The following ITIH3 variants were observed in gnomAD, a reference collection of about 807,000 sequenced individuals.
The protein encoded by ITIH3 is inter-alpha-trypsin inhibitor heavy chain 3.
In ITIH3, 81 loss-of-function variants were observed where a neutral mutation model predicts 96.5. The ratio of observed to expected loss-of-function variants is 0.84; its 90% confidence interval spans 0.70 to 1.01. ITIH3 has a LOEUF of 1.01. Ranked by LOEUF, ITIH3 falls within the 50% of genes least tolerant of loss-of-function variation. The pLI is 0.00. For synonymous variants in ITIH3, 422 were observed against 445.2 expected, an observed-to-expected ratio of 0.95 and a Z score of 0.66; for missense variants, 1,057 against 1,139.3, an observed-to-expected ratio of 0.93 and a Z score of 1.04.
chr3:52,803,866 A>C lies in ITIH3; in HGVS notation c.1721A>C (p.His574Pro), dbSNP rs368090665. The change falls in exon 14 of 22, where the codon CAT (histidine) becomes CCT (proline). Residue 574 changes from histidine (H) to proline (P), a missense_variant. Transcript: ENST00000449956. ...EQLLEKRKNA[H>P]GEEKENLTAR... ...GCCCCTCCTCACAGCAAGAACGCCC[A>C]TGGCGAGGAGAAGGAGAACCTCACG... 6.2e-7 allele frequency: 1 copy of C among 1,613,992 alleles called. No homozygotes were observed. The highest frequency in any genetic ancestry group is 8.5e-7 in the Non-Finnish European group (1 of 1,179,880).
chr3:52,807,961 A>G (rs1303687695), intron 20 of ITIH3, 45 bp downstream of exon 20: 1 of 1,598,830 alleles, frequency 6.3e-7, no homozygotes, highest in Non-Finnish European at 8.5e-7. Flanking sequence ...TGAGAGCAGC[A>G]TGGGAAAGAC....
chr3:52,805,920 C>A, intron 16 of ITIH3, 80 bp downstream of exon 16: 1 of 1,575,070 alleles, frequency 6.3e-7, no homozygotes, highest in South Asian at 1.1e-5. Context: ...CGTGGCTACT[C>A]ACTCAGCTCT....
intron 11 of ITIH3, 29 bp downstream of exon 11, chr3:52,801,175 A>G: frequency 6.6e-7 from 1 of 1,512,538 alleles, no homozygotes; most frequent in Non-Finnish European, 8.8e-7. Context: ...ACTTCCGGGC[A>G]TAAGGAGCTC....
chr3:52,801,000 C>T lies in ITIH3; in HGVS notation c.1237C>T (p.Arg413Trp), dbSNP rs772751051. The T allele has an allele frequency of 1.5e-5, 24 of 1,613,898 alleles. No individual in the cohort carries two copies. The highest frequency in any genetic ancestry group is 2.7e-5 in the African/African-American group (2 of 74,932). Reference protein sequence around the residue: ...SRPEKIQENVRNAIGGKFPLY... With the variant: ...SRPEKIQENVWNAIGGKFPLY... Reference sequence around the variant, plus strand: ...ACCCGAAAAAATCCAAGAGAATGTGCGGAATGCCATCGGGGGCAAGTTCCC... The same window carrying T: ...ACCCGAAAAAATCCAAGAGAATGTGTGGAATGCCATCGGGGGCAAGTTCCC... The change falls in exon 11 of 22, where the codon CGG (arginine) becomes TGG (tryptophan). Residue 413 changes from arginine (R) to tryptophan (W), a missense_variant. Arg to Trp is a moderately radical substitution (Grantham distance 101). Coordinates refer to ENST00000449956, the MANE Select transcript of ITIH3 (RefSeq NM_002217.4).
intron 11 of ITIH3, 56 bp from the exon 12 acceptor site, chr3:52,802,278 G>C: frequency 6.3e-7 from 1 of 1,575,652 alleles, no homozygotes; most frequent in Non-Finnish European, 8.7e-7. Context: ...CCCAGCTGCA[G>C]CATCAGTGGG....
At chr3:52,797,291 T>TG in intron 5 of ITIH3, 24 bp downstream of exon 5, 2 of 1,583,866 alleles carry the variant, frequency 1.3e-6, no homozygotes, top group East Asian at 2.3e-5. Context: ...CCTGCAGACC[T>TG]GGGGGGACGG....
At position 52,801,081 on chromosome 3, in the gene ITIH3, G is replaced by T. The variant is rs747277776; in HGVS notation, c.1318G>T (p.Ala440Ser). 56 of 1,610,692 alleles carry T rather than the reference G, an allele frequency of 3.5e-5. No homozygotes were observed. The highest frequency in any genetic ancestry group is 4.2e-5 in the Non-Finnish European group (50 of 1,178,422). Residue 440 changes from alanine to serine, a missense_variant, in exon 11 of 22, where the codon GCC becomes TCC. By Grantham distance (99) the Ala-to-Ser change is moderately conservative. Coordinates refer to ENST00000449956, the MANE Select transcript of ITIH3 (RefSeq NM_002217.4). The part of the protein sequence containing the change: ...NLNYNFLENM[A>S]LENHGFARRI... ...GAATTATAACTTCCTGGAGAACATG[G>T]CCCTGGAGAACCATGGGTTTGCCCG...
chr3:52,808,498 C>A, intron 21 of ITIH3, 54 bp from the exon 22 acceptor site: 1 of 1,595,850 alleles, frequency 6.3e-7, no homozygotes, highest in Non-Finnish European at 8.6e-7. Context: ...GTCCGCTAGC[C>A]TAGCAGCCAT....
At chr3:52,805,968 T>G (rs1012524450) in intron 16 of ITIH3, 128 bp downstream of exon 16, 1 of 1,505,408 alleles carries the variant, frequency 6.6e-7, no homozygotes, top group African/African-American at 1.4e-5. Context: ...CTGAGGAGAT[T>G]GCGGGGTGGG....
At position 52,797,914 on chromosome 3, in the gene ITIH3, C is replaced by T; in HGVS notation, c.647C>T (p.Ser216Phe). Reference sequence around the variant, plus strand: ...CTCCTGGGAAGCGCCCTCACCAAGTCCTTCTCAGGGAAAAAGGTGATGTAG... The same window carrying T: ...CTCCTGGGAAGCGCCCTCACCAAGTTCTTCTCAGGGAAAAAGGTGATGTAG... Reference protein sequence around the residue: ...NDLLGSALTKSFSGKKGHVSF... With the variant: ...NDLLGSALTKFFSGKKGHVSF... The change falls in exon 6 of 22, where the codon TCC becomes TTC. Residue 216 changes from serine to phenylalanine, a missense_variant. Coordinates refer to ENST00000449956, the MANE Select transcript of ITIH3 (RefSeq NM_002217.4). 1 of 1,598,554 alleles carries T rather than the reference C, an allele frequency of 6.3e-7. No individual in the cohort carries two copies. The highest frequency in any genetic ancestry group is 8.5e-7 in the Non-Finnish European group (1 of 1,172,368).
At position 52,806,932 on chromosome 3, in the gene ITIH3, CAA is replaced by C. The variant is rs1559474295; in HGVS notation, c.2089_2090del (p.Lys697GlufsTer5). 1.9e-6 allele frequency: 3 copies of C among 1,591,338 alleles called. No individual in the cohort carries two copies. Among genetic ancestry groups the C allele is most frequent in the Non-Finnish European group, 1.7e-6 (2 of 1,168,870 alleles). On this transcript the variant is annotated frameshift_variant, in exon 19 of 22. Coordinates refer to ENST00000449956, the MANE Select transcript of ITIH3 (RefSeq NM_002217.4). LOFTEE classifies it high-confidence loss of function. ...LTVNGQITGD[K>X]RGSPDSKTRK... ...CAGTTAATGGGCAGATCACTGGCGA[CAA>C]GAGAGGCAGCCCTGACTCCAAGACC...
chr3:52,805,874 C>T lies in ITIH3; in HGVS notation c.1906+34C>T, dbSNP rs751678494. Reference sequence around the variant, plus strand: ...ATGCTGGCAGCTGCCACTCCTCCCACTGCTTAGAGCCTGCCCCTGCCACAT... The same window carrying T: ...ATGCTGGCAGCTGCCACTCCTCCCATTGCTTAGAGCCTGCCCCTGCCACAT... On this transcript the variant is annotated intron_variant, in intron 16 of 21. Coordinates refer to ENST00000449956, the MANE Select transcript of ITIH3 (RefSeq NM_002217.4). 1.4e-5 allele frequency: 22 copies of T among 1,610,166 alleles called. No homozygotes were observed. The African/African-American group carries it at 2.7e-4, about 20-fold the overall frequency.
chr3:52,802,875 C>T lies in ITIH3; in HGVS notation c.1709+69C>T, dbSNP rs528710853. ...GCTCCAATGCAAGGGCACCCCCATA[C>T]GCAGTCCCAGCGGTCCTGCCCTCTT... On this transcript the variant is annotated intron_variant, in intron 13 of 21. Coordinates refer to ENST00000449956, the MANE Select transcript of ITIH3 (RefSeq NM_002217.4). 6.4e-5 allele frequency: 100 copies of T among 1,566,974 alleles called. No homozygotes were observed. The South Asian group carries it at 7.6e-4, about 12-fold the overall frequency.
chr3:52,806,163 A>G (rs1700037786), intron 17 of ITIH3, 25 bp downstream of exon 17: 4 of 1,601,808 alleles, frequency 2.5e-6, no homozygotes, highest in Non-Finnish European at 3.4e-6. Context: ...GCTCCTCGGG[A>G]AGGCTCAGGG....
At chr3:52,805,077 G>T in intron 15 of ITIH3, 1 of 276,470 alleles carries the variant, frequency 3.6e-6, no homozygotes. Flanking sequence ...TTTTACAATG[G>T]GGAAATTGAG....
In ITIH3 at chr3:52,794,897, G is replaced by T. The variant is rs1485485408; in HGVS notation, c.93+1G>T. ...GAGAAGCCCCTTTCGGCTGCTTGGG[G>T]TGAGTCTGCCCCCTCTTTGCCATCT... On this transcript the variant is annotated splice_donor_variant, in intron 1 of 21. Transcript: ENST00000449956. LOFTEE classifies it high-confidence loss of function. 4.3e-6 allele frequency: 7 copies of T among 1,612,738 alleles called. No homozygotes were observed. Among genetic ancestry groups the T allele is most frequent in the Non-Finnish European group, 5.9e-6 (7 of 1,178,942 alleles).
At chr3:52,806,008 GA>G (rs1380267016) in intron 16 of ITIH3, 94 bp from the exon 17 acceptor site, 45 of 1,428,520 alleles carry the variant, frequency 3.2e-5, no homozygotes, top group African/African-American at 6.8e-5. Flanking sequence ...GCGGGAAGGG[GA>G]GGGGAGGGGC....
Position 52,799,686 on chromosome 3 carries a change from C to T in ITIH3, c.907-67C>T, listed in dbSNP as rs189275746. ...GGTGCAGATGGCGTGGGCTGCACCGCCTGCTGAGCTGAGAAGGGACCTCAC... is the reference window on the plus strand; with the variant it reads ...GGTGCAGATGGCGTGGGCTGCACCGTCTGCTGAGCTGAGAAGGGACCTCAC... On this transcript the variant is annotated intron_variant, in intron 8 of 21. Coordinates refer to ENST00000449956, the MANE Select transcript of ITIH3 (RefSeq NM_002217.4). 2.7e-6 allele frequency: 4 copies of T among 1,491,206 alleles called. No homozygotes were observed. The African/African-American group carries it at 5.6e-5, about 21-fold the overall frequency. The allele number at this position is 1,491,206 out of a possible 1,614,324, so 92.4% of individuals were successfully genotyped here.
At chr3:52,807,570 G>T (rs1456152587) in intron 19 of ITIH3, among the ~76,000 whole-genome samples, 177 bp from the exon 20 acceptor site, 1 of 152,222 alleles carries the variant, frequency 6.6e-6, no homozygotes, top group African/African-American at 2.4e-5. Flanking sequence ...ATCCACTCAC[G>T]GGAGGGGAGA....
Sources: allele counts gnomAD v4.1 joint callset (sites outside exome capture counted in the v4.1 genomes callset), GRCh38; gene constraint gnomAD v4.1.1; transcripts MANE v1.5; gene names NCBI Gene and HGNC (gene_info 2026-07-23, HGNC 2026-07-21).